INO80C: variants seen among roughly 807,000 people sequenced by gnomAD.
INO80C encodes INO80 complex subunit C.
Under a neutral mutation model 17.7 loss-of-function variants are expected in INO80C, and 17 were observed. The observed-to-expected ratio is 0.96, with a 90% confidence interval of 0.66 to 1.44. The LOEUF (loss-of-function observed/expected upper bound fraction) is 1.44, where lower values mean the gene tolerates loss of function less well. INO80C is among the 40% of genes most tolerant of loss of function. The pLI is 0.00. For missense variants in INO80C, 244 were observed against 245.0 expected (o/e 1.00, Z 0.03); for synonymous variants, 96 against 95.8 (o/e 1.00, Z -0.01).
At chr18:35,482,049 T>C (rs1217843033) in intron 1 of INO80C, among the ~76,000 whole-genome samples, 1 of 152,184 alleles carries the variant, frequency 6.6e-6, no homozygotes, top group African/African-American at 2.4e-5. Context: ...ATTATCAGTC[T>C]TCAGCTATTA....
intron 1 of INO80C, among the ~76,000 whole-genome samples, chr18:35,488,761 T>C (rs113223733): frequency 6.6e-6 from 1 of 152,360 alleles, no homozygotes; most frequent in Non-Finnish European, 1.5e-5. Flanking sequence ...TTTTATTCTC[T>C]ATCACATTGT....
At chr18:35,489,746 ATATCAGTGTTG>A (rs931859193) in intron 1 of INO80C, among the ~76,000 whole-genome samples, 1 of 152,222 alleles carries the variant, frequency 6.6e-6, no homozygotes, top group African/African-American at 2.4e-5. Flanking sequence ...TGTGTATTAA[ATATCAGTGTTG>A]TATCAGAGTT....
Position 35,491,074 on chromosome 18 carries a change from C to G in INO80C, c.156+6645G>C, listed in dbSNP as rs536384848. On this transcript the variant is annotated intron_variant, in intron 1 of 4. Coordinates refer to ENST00000334598, the MANE Select transcript of INO80C (RefSeq NM_194281.4). Reference sequence around the variant, plus strand: ...TGCGCCTGGCCAAATACTGTTATTTCTCCTTTTCAGTTTATTCCACTTCCC... The same window carrying G: ...TGCGCCTGGCCAAATACTGTTATTTGTCCTTTTCAGTTTATTCCACTTCCC... 2.6e-5 allele frequency among the ~76,000 whole-genome samples: 4 copies of G among 152,318 alleles called. No homozygotes were observed. The East Asian group carries it at 7.7e-4, about 29-fold the overall frequency.
intron 1 of INO80C, 105 bp downstream of exon 1, chr18:35,497,614 C>G (rs1277631078): frequency 2.0e-6 from 3 of 1,467,424 alleles, no homozygotes; most frequent in Non-Finnish European, 2.7e-6. Context: ...CCAACGGAGA[C>G]CGCACGCGCA....
intron 1 of INO80C, among the ~76,000 whole-genome samples, chr18:35,492,986 T>G (rs1002095342): frequency 6.6e-6 from 1 of 152,202 alleles, no homozygotes; most frequent in Non-Finnish European, 1.5e-5. Flanking sequence ...AATCTTCTAA[T>G]ATACAAAGTA....
At position 35,497,912 on chromosome 18, in the gene INO80C, C is replaced by G; in HGVS notation, c.-38G>C. ...CTTCCCCTGGTCCCCCCACCTTTTT[C>G]CCAGCGCGGGCCTTGGAACTTCCTT... On this transcript the variant is annotated 5_prime_UTR_variant, in exon 1 of 5. Coordinates refer to ENST00000334598, the MANE Select transcript of INO80C (RefSeq NM_194281.4). 1 of 1,494,642 alleles carries G rather than the reference C, an allele frequency of 6.7e-7. No individual in the cohort carries two copies. The highest frequency in any genetic ancestry group is 8.9e-7 in the Non-Finnish European group (1 of 1,121,258). 92.6% of individuals were successfully genotyped at this position (1,494,642 alleles called of 1,614,324 possible). A position where few individuals can be genotyped will look rare whatever the true frequency, so the allele number is the denominator to read the frequency against.
chr18:35,480,362 T>C, intron 2 of INO80C, 91 bp downstream of exon 2: 2 of 854,008 alleles, frequency 2.3e-6, no homozygotes, highest in East Asian at 4.8e-5. Context: ...GAGGAGAGAA[T>C]GCCAGTGCCA....
intron 1 of INO80C, 171 bp downstream of exon 1, chr18:35,497,548 T>C (rs1415657481): frequency 1.4e-6 from 2 of 1,410,968 alleles, no homozygotes; most frequent in East Asian, 2.7e-5. Flanking sequence ...TAAGCCCATG[T>C]GTCCAAACGA....
At chr18:35,473,493 G>T (rs767685322) in intron 4 of INO80C, among the ~76,000 whole-genome samples, 19 of 152,200 alleles carry the variant, frequency 1.2e-4, no homozygotes, top group Non-Finnish European at 2.5e-4. Context: ...AGAGGGAGCT[G>T]CCCTGGAAGG....
chr18:35,486,248 AAG>A (rs2045872770), intron 1 of INO80C, among the ~76,000 whole-genome samples: 3 of 152,256 alleles, frequency 2.0e-5, no homozygotes, highest in Non-Finnish European at 4.4e-5. Context: ...CACTAACAAA[AAG>A]AAGCCAGACA....
intron 1 of INO80C, among the ~76,000 whole-genome samples, chr18:35,485,433 G>C (rs942295893): frequency 1.3e-5 from 2 of 152,170 alleles, no homozygotes; most frequent in African/African-American, 4.8e-5. Context: ...CAAACAGCCA[G>C]TAAGCACGTG....
chr18:35,493,530 A>G (rs925039107), intron 1 of INO80C, among the ~76,000 whole-genome samples: 5 of 152,226 alleles, frequency 3.3e-5, no homozygotes, highest in Non-Finnish European at 7.3e-5. Context: ...GTACTACTAA[A>G]TTATTTAATA....
chr18:35,482,649 A>G (rs2045825130), intron 1 of INO80C, among the ~76,000 whole-genome samples: 1 of 151,994 alleles, frequency 6.6e-6, no homozygotes, highest in Non-Finnish European at 1.5e-5. Flanking sequence ...TCTTCCCTCC[A>G]AGCTCAGTGC....
intron 1 of INO80C, among the ~76,000 whole-genome samples, chr18:35,490,295 T>G (rs552696900): frequency 1.1e-3 from 166 of 152,272 alleles, no homozygotes; most frequent in Middle Eastern, 6.8e-3. Flanking sequence ...ACAGGACTAC[T>G]CAATGCCCTG....
In INO80C at chr18:35,497,457, G is replaced by C; in HGVS notation, c.156+262C>G. The C allele has an allele frequency of 6.3e-6, 8 of 1,263,144 alleles. No individual in the cohort carries two copies. In the South Asian group the frequency reaches 1.6e-4, roughly 25 times the overall value. The allele number at this position is 1,263,144 out of a possible 1,614,324, so 78.2% of individuals were successfully genotyped here. A position where few individuals can be genotyped will look rare whatever the true frequency, so the allele number is the denominator to read the frequency against. ...CCTCATGCTAAAGGCGACCTCGAGG[G>C]GAAGAGGCAGTCCTTCTATTAATAC... On this transcript the variant is annotated intron_variant, in intron 1 of 4. Coordinates refer to ENST00000334598, the MANE Select transcript of INO80C (RefSeq NM_194281.4).
chr18:35,485,358 C>G (rs954703351), intron 1 of INO80C, among the ~76,000 whole-genome samples: 8 of 152,134 alleles, frequency 5.3e-5, no homozygotes, highest in Admixed American at 5.2e-4. Context: ...AAGAACTCTA[C>G]AACTCAACAA....
At chr18:35,474,877 C>T (rs546934407) in intron 4 of INO80C, among the ~76,000 whole-genome samples, 3 of 152,090 alleles carry the variant, frequency 2.0e-5, no homozygotes, top group Admixed American at 1.3e-4. Context: ...CAAACTGAAC[C>T]GCAACGAAAT....
At chr18:35,477,158 C>A (rs1227615900) in intron 4 of INO80C, among the ~76,000 whole-genome samples, 2 of 152,206 alleles carry the variant, frequency 1.3e-5, no homozygotes, top group South Asian at 4.1e-4. Flanking sequence ...GCAGGATAAT[C>A]GCTTGAACCC....
intron 1 of INO80C, among the ~76,000 whole-genome samples, chr18:35,482,273 G>A (rs1018614925): frequency 5.9e-5 from 9 of 152,170 alleles, no homozygotes; most frequent in Non-Finnish European, 1.3e-4. Context: ...CTAAATCACA[G>A]CTTATCTACT....
Sources: allele counts gnomAD v4.1 joint callset (sites outside exome capture counted in the v4.1 genomes callset), GRCh38; gene constraint gnomAD v4.1.1; transcripts MANE v1.5; gene names NCBI Gene and HGNC (gene_info 2026-07-23, HGNC 2026-07-21).